Variants in MEMO1 observed in about 807,000 individuals in gnomAD.
The protein encoded by MEMO1 is mediator of cell motility 1, also known as protein MEMO1.
MEMO1 carries 6 observed loss-of-function variants against 45.2 expected under a neutral mutation model. The observed-to-expected ratio is 0.13, with a 90% CI of 0.07 to 0.26. The LOEUF is 0.26. MEMO1 is among the 10% of genes least tolerant of loss of function. The pLI is 1.00. For missense variants in MEMO1, 184 were observed against 370.5 expected (o/e 0.50, Z 4.13); for synonymous variants, 78 against 124.3 (o/e 0.63, Z 2.48).
intron 4 of MEMO1, among the ~76,000 whole-genome samples, chr2:31,930,670 G>A (rs564931184): frequency 7.2e-5 from 11 of 151,900 alleles, no homozygotes; most frequent in South Asian, 4.2e-4. Flanking sequence ...TTTTTGAAAC[G>A]CAGTCTTGCT....
chr2:31,983,595 C>T (rs536285116), intron 2 of MEMO1, among the ~76,000 whole-genome samples: 3 of 152,154 alleles, frequency 2.0e-5, no homozygotes, highest in African/African-American at 7.2e-5. Context: ...CCACCATACC[C>T]GGCTAATTTT....
intron 2 of MEMO1, chr2:31,963,403 G>A: frequency 1.0e-6 from 1 of 999,972 alleles, no homozygotes; most frequent in Non-Finnish European, 1.3e-6. Context: ...CAAGAAGCAA[G>A]GAAAGCTAAA....
chr2:31,940,327 G>C (rs1020353643), intron 3 of MEMO1, among the ~76,000 whole-genome samples: 1 of 151,906 alleles, frequency 6.6e-6, no homozygotes, highest in African/African-American at 2.4e-5. Context: ...GATTCATATA[G>C]CCAGCTGCCC....
chr2:32,007,061 G>A (rs1261168221), intron 2 of MEMO1, among the ~76,000 whole-genome samples: 1 of 149,308 alleles, frequency 6.7e-6, no homozygotes. Flanking sequence ...CCCCTACTAA[G>A]AAACCTCCAT....
In MEMO1 at chr2:31,872,016, AACAC is replaced by A. The variant is rs55682785; in HGVS notation, c.658-2068_658-2065del. Among the ~76,000 whole-genome samples the A allele has an allele frequency of 3.7e-3, 534 of 143,298 alleles. 6 individuals carry two copies. Among genetic ancestry groups the A allele is most frequent in the African/African-American group, 0.013 (488 of 38,040 alleles). The allele number at this position is 143,298 out of a possible 152,430, so 94.0% of individuals were successfully genotyped here. A position where few individuals can be genotyped will look rare whatever the true frequency, so the allele number is the denominator to read the frequency against. On this transcript the variant is annotated intron_variant, in intron 8 of 9. Transcript: ENST00000404530. ...GCGACAGAGCAAGACTCTGTCTCAA[AACAC>A]ACACACACACACACACACACACACA...
intron 2 of MEMO1, among the ~76,000 whole-genome samples, chr2:31,969,652 T>C (rs1342916324): frequency 6.7e-6 from 1 of 150,250 alleles, no homozygotes; most frequent in Non-Finnish European, 1.5e-5. Context: ...AGGCTCTCTC[T>C]GTTGCCCAGG....
chr2:31,878,139 A>T (rs1341951634), intron 8 of MEMO1, among the ~76,000 whole-genome samples: 1 of 152,190 alleles, frequency 6.6e-6, no homozygotes, highest in Non-Finnish European at 1.5e-5. Flanking sequence ...GAGCTAAGCA[A>T]AACGGGCAAA....
At chr2:31,903,511 T>C (rs1679193798) in intron 6 of MEMO1, among the ~76,000 whole-genome samples, 1 of 152,192 alleles carries the variant, frequency 6.6e-6, no homozygotes, top group Non-Finnish European at 1.5e-5. Context: ...TGTCTTTTGC[T>C]ACCTCCTCTT....
At chr2:31,954,869 T>A (rs1313911064) in intron 2 of MEMO1, among the ~76,000 whole-genome samples, 1 of 151,374 alleles carries the variant, frequency 6.6e-6, no homozygotes, top group Non-Finnish European at 1.5e-5. Flanking sequence ...CTAGGTTTTA[T>A]CCCAGAGATG....
chr2:31,987,628 G>C (rs1434767882), intron 2 of MEMO1, among the ~76,000 whole-genome samples: 1 of 152,158 alleles, frequency 6.6e-6, no homozygotes, highest in Non-Finnish European at 1.5e-5. Flanking sequence ...GCCAGCTCCT[G>C]CCCTGTGCCA....
chr2:31,950,148 C>T (rs1425680318), intron 2 of MEMO1, among the ~76,000 whole-genome samples: 1 of 151,732 alleles, frequency 6.6e-6, no homozygotes, highest in Non-Finnish European at 1.5e-5. Flanking sequence ...TGGGAAGCCA[C>T]GGCAGATGGA....
intron 3 of MEMO1, among the ~76,000 whole-genome samples, chr2:31,932,744 G>GT (rs1287778480): frequency 3.3e-5 from 5 of 152,166 alleles, no homozygotes; most frequent in African/African-American, 1.2e-4. Context: ...CTATAACTGA[G>GT]TTTTTTTATA....
chr2:31,886,131 T>C (rs557489279), intron 7 of MEMO1, among the ~76,000 whole-genome samples: 5 of 152,234 alleles, frequency 3.3e-5, no homozygotes, highest in African/African-American at 4.8e-5. Context: ...TACTCTTTAG[T>C]AGCCACCTCA....
chr2:31,969,586 G>GGGT (rs1553376151), intron 2 of MEMO1, among the ~76,000 whole-genome samples: 4 of 119,228 alleles, frequency 3.4e-5, no homozygotes, highest in South Asian at 5.7e-4. Flanking sequence ...TGTGTGTGTG[G>GGGT]GTGTGTGTGT....
At position 31,868,434 on chromosome 2, in the gene MEMO1, G is replaced by A; in HGVS notation, c.821C>T (p.Ala274Val). ...CCAGTTTCTACACTGGCTCGACTGG[G>A]CATAATTCAAAAACGAAAAACTCAT... ...MNMSFSFLNY[A>V]QSSQCRNWQD... is the part of the protein sequence containing the mutation. The change falls in exon 10 of 10, where the codon GCC becomes GTC. Residue 274 changes from alanine to valine, a missense_variant. Transcript: ENST00000404530. The A allele has an allele frequency of 1.2e-6, 2 of 1,602,092 alleles. No individual in the cohort carries two copies. Among genetic ancestry groups the A allele is most frequent in the African/African-American group, 1.3e-5 (1 of 74,336 alleles).
At chr2:32,005,171 G>A (rs1465413167) in intron 2 of MEMO1, among the ~76,000 whole-genome samples, 1 of 151,800 alleles carries the variant, frequency 6.6e-6, no homozygotes, top group African/African-American at 2.4e-5. Flanking sequence ...AAAGCTCAAA[G>A]GAGCCAGGTG....
intron 2 of MEMO1, among the ~76,000 whole-genome samples, chr2:31,980,771 C>A (rs1018960023): frequency 2.6e-5 from 4 of 152,062 alleles, no homozygotes; most frequent in African/African-American, 9.7e-5. Context: ...CCTCTAAACC[C>A]ATATCTATAG....
chr2:31,969,209 A>T (rs965061565), intron 2 of MEMO1, among the ~76,000 whole-genome samples: 2 of 151,724 alleles, frequency 1.3e-5, no homozygotes, highest in South Asian at 4.1e-4. Flanking sequence ...CCAATATTTC[A>T]GCACCAAGTC....
chr2:31,902,048 A>G (rs781709153), intron 6 of MEMO1, among the ~76,000 whole-genome samples: 1 of 152,116 alleles, frequency 6.6e-6, no homozygotes, highest in Non-Finnish European at 1.5e-5. Context: ...CTGAGGTGGG[A>G]GGATACTTTG....
Sources: allele counts gnomAD v4.1 joint callset (sites outside exome capture counted in the v4.1 genomes callset), GRCh38; gene constraint gnomAD v4.1.1; transcripts MANE v1.5; gene names NCBI Gene and HGNC (gene_info 2026-07-23, HGNC 2026-07-21).